Variants in CRY1 observed in about 807,000 individuals in gnomAD.
CRY1 encodes the protein cryptochrome circadian regulator 1.
In CRY1, 45 loss-of-function variants were observed where a neutral mutation model predicts 76.0. The observed-to-expected ratio is 0.59, with a 90% confidence interval of 0.47 to 0.76. The LOEUF (loss-of-function observed/expected upper bound fraction) is 0.76, where lower values mean the gene tolerates loss of function less well. Ranked by LOEUF, CRY1 falls within the 30% of genes least tolerant of loss-of-function variation. The probability of loss-of-function intolerance (pLI) is 0.00; values close to 1 mark genes in which losing one functional copy is unlikely to be tolerated. For missense variants in CRY1, 587 were observed against 716.4 expected, an observed-to-expected ratio of 0.82 and a Z score of 2.06; for synonymous variants, 248 against 244.0, an observed-to-expected ratio of 1.02 and a Z score of -0.15.
chr12:107,088,370 A>G (rs1037438618), intron 1 of CRY1, among the ~76,000 whole-genome samples: 3 of 152,218 alleles, frequency 2.0e-5, no homozygotes, highest in Admixed American at 6.5e-5. Context: ...TCCTCACCAG[A>G]ACCAGAGGCT....
intron 1 of CRY1, among the ~76,000 whole-genome samples, chr12:107,037,974 A>G (rs575099765): frequency 5.3e-5 from 8 of 152,278 alleles, no homozygotes; most frequent in Middle Eastern, 3.4e-3. Flanking sequence ...CTCCCAAAGC[A>G]TTAGGATTAC....
intron 2 of CRY1, among the ~76,000 whole-genome samples, chr12:107,011,588 T>G: frequency 6.6e-6 from 1 of 152,268 alleles, no homozygotes; most frequent in East Asian, 1.9e-4. Flanking sequence ...CCTTAAAGCA[T>G]AGTCCTAATC....
chr12:107,007,832 A>G (rs1952392992), intron 2 of CRY1, among the ~76,000 whole-genome samples: 1 of 152,164 alleles, frequency 6.6e-6, no homozygotes, highest in Non-Finnish European at 1.5e-5. Context: ...GCCTAGTGCA[A>G]TTTAGCACTG....
intron 2 of CRY1, among the ~76,000 whole-genome samples, chr12:107,013,848 A>G (rs1433328607): frequency 6.6e-6 from 1 of 152,236 alleles, no homozygotes. Context: ...ACTTTTATAT[A>G]GAATATTTTA....
intron 1 of CRY1, among the ~76,000 whole-genome samples, chr12:107,072,522 T>C (rs1432108044): frequency 6.6e-6 from 1 of 152,198 alleles, no homozygotes; most frequent in Non-Finnish European, 1.5e-5. Flanking sequence ...CAAAGGTTTA[T>C]GGAACACAGA....
intron 10 of CRY1, among the ~76,000 whole-genome samples, chr12:106,996,396 C>T (rs146424290): frequency 8.5e-5 from 13 of 152,258 alleles, no homozygotes; most frequent in South Asian, 2.1e-4. Context: ...GTTGATTCCA[C>T]GTCTTTGCTA....
intron 1 of CRY1, among the ~76,000 whole-genome samples, chr12:107,078,115 A>T (rs1372251112): frequency 6.6e-6 from 1 of 152,210 alleles, no homozygotes; most frequent in Non-Finnish European, 1.5e-5. Context: ...TTTTCATGGC[A>T]CAAACATAAT....
At chr12:107,029,606 CAAAAAA>C (rs35485801) in intron 1 of CRY1, among the ~76,000 whole-genome samples, 1 of 112,268 alleles carries the variant, frequency 8.9e-6, no homozygotes. Context: ...GGTCTTGCCT[CAAAAAA>C]AAAAAAAAAA....
At chr12:107,064,207 T>C (rs1212720953) in intron 1 of CRY1, among the ~76,000 whole-genome samples, 2 of 151,956 alleles carry the variant, frequency 1.3e-5, no homozygotes, top group Non-Finnish European at 1.5e-5. Context: ...CTAAGTGAAA[T>C]AAACTAGGCA....
chr12:107,042,591 T>C (rs183816706), intron 1 of CRY1, among the ~76,000 whole-genome samples: 19 of 126,890 alleles, frequency 1.5e-4, no homozygotes, highest in African/African-American at 8.3e-5. Context: ...CGCCAGGTAA[T>C]GATATACTGT....
intron 1 of CRY1, among the ~76,000 whole-genome samples, chr12:107,038,542 C>T (rs1336955571): frequency 6.6e-6 from 1 of 152,112 alleles, no homozygotes; most frequent in Admixed American, 6.5e-5. Context: ...AGATAGAAGA[C>T]AGAAGCAAGG....
chr12:107,063,301 C>T (rs889576955), intron 1 of CRY1, among the ~76,000 whole-genome samples: 15 of 152,112 alleles, frequency 9.9e-5, no homozygotes, highest in African/African-American at 2.2e-4. Context: ...TGAGAGGATA[C>T]GCTATTAATT....
chr12:107,091,713 T>C (rs1953473998), intron 1 of CRY1, among the ~76,000 whole-genome samples: 2 of 152,208 alleles, frequency 1.3e-5, no homozygotes, highest in African/African-American at 4.8e-5. Context: ...CTACTATTTT[T>C]CCCTCACTTA....
rs572242172 is a variant in CRY1 at position 107,001,166 on chromosome 12, C to A, written c.684+114G>T. The A allele has an allele frequency of 1.2e-5, 9 of 737,698 alleles. No individual in the cohort carries two copies. The South Asian group carries it at 1.6e-4, about 13-fold the overall frequency. The allele number at this position is 737,698 out of a possible 1,614,324, so 45.7% of individuals were successfully genotyped here. A position where few individuals can be genotyped will look rare whatever the true frequency, so the allele number is the denominator to read the frequency against. Reference sequence around the variant, plus strand: ...TAGGTTTGTGCTATTTTAACCATTTCTGTTAATCCTCCCCTTTCAACAATC... The same window carrying A: ...TAGGTTTGTGCTATTTTAACCATTTATGTTAATCCTCCCCTTTCAACAATC... On this transcript the variant is annotated intron_variant, in intron 5 of 12. Transcript: ENST00000008527.
At chr12:107,054,235 G>T (rs968893079) in intron 1 of CRY1, among the ~76,000 whole-genome samples, 1 of 151,984 alleles carries the variant, frequency 6.6e-6, no homozygotes, top group Non-Finnish European at 1.5e-5. Flanking sequence ...TAGAGTTTGC[G>T]TTTCAAGGGC....
At chr12:107,008,186 A>G (rs1396425124) in intron 2 of CRY1, among the ~76,000 whole-genome samples, 2 of 152,226 alleles carry the variant, frequency 1.3e-5, no homozygotes, top group East Asian at 3.8e-4. Flanking sequence ...TCTCAGCTAA[A>G]CTAGCCCAGC....
intron 1 of CRY1, among the ~76,000 whole-genome samples, chr12:107,085,993 G>A (rs971129627): frequency 3.3e-5 from 5 of 152,026 alleles, no homozygotes; most frequent in Non-Finnish European, 5.9e-5. Flanking sequence ...TAAAGGCCAC[G>A]TTCATGAGAT....
intron 2 of CRY1, among the ~76,000 whole-genome samples, chr12:107,011,349 C>CA (rs1175381349): frequency 9.2e-6 from 1 of 108,662 alleles, no homozygotes; most frequent in Non-Finnish European, 1.8e-5. Flanking sequence ...GACTCTGTCT[C>CA]AAAAAACAAA....
chr12:107,079,796 A>T (rs1436632236), intron 1 of CRY1, among the ~76,000 whole-genome samples: 1 of 152,184 alleles, frequency 6.6e-6, no homozygotes, highest in Non-Finnish European at 1.5e-5. Context: ...GCAGAGGGCC[A>T]GATTACACAA....
Sources: gnomAD v4.1 joint callset for allele counts (sites outside exome capture counted in the v4.1 genomes callset) on GRCh38, gnomAD v4.1.1 for gene constraint, MANE v1.5 for transcripts, NCBI Gene and HGNC (gene_info 2026-07-23, HGNC 2026-07-21) for gene names.